The following SLC12A2 variants were observed in gnomAD, a reference collection of about 807,000 sequenced individuals.
SLC12A2 encodes the protein Na-K-2Cl cotransporter 1.
A neutral mutation model predicts 136.3 loss-of-function variants in SLC12A2; 67 were observed. The ratio of observed to expected loss-of-function variants is 0.49; its 90% CI spans 0.40 to 0.60. The LOEUF is 0.60. Among genes scored for constraint, SLC12A2 ranks in the 20% least tolerant of loss-of-function variants. The pLI, the probability that SLC12A2 is intolerant of heterozygous loss-of-function variation, is 0.00. For missense variants in SLC12A2, 1,322 were observed against 1,534.7 expected (o/e 0.86, Z 2.32); for synonymous variants, 619 against 562.9 (o/e 1.10, Z -1.41).
In SLC12A2 at chr5:128,179,948, C is replaced by CTTTT. The variant is rs70997365; in HGVS notation, c.3101-899_3101-896dup. 7.9e-5 allele frequency among the ~76,000 whole-genome samples: 4 copies of CTTTT among 50,480 alleles called. 1 individual carries two copies. The highest frequency in any genetic ancestry group is 8.0e-5 in the Non-Finnish European group (2 of 24,896). The allele number at this position is 50,480 out of a possible 152,430, so 33.1% of individuals were successfully genotyped here. ...TCCATTTATCATGTCCCAATCGTTC[C>CTTTT]TTTTTTTTTTTTTTTTTTTTTTTTT... On this transcript the variant is annotated intron_variant, in intron 22 of 26. Coordinates refer to ENST00000262461, the MANE Select transcript of SLC12A2 (RefSeq NM_001046.3).
chr5:128,134,389 G>A, intron 6 of SLC12A2, 114 bp downstream of exon 6: 1 of 620,836 alleles, frequency 1.6e-6, no homozygotes, highest in Non-Finnish European at 2.9e-6. Flanking sequence ...TACCTAAGTG[G>A]CCATTTTCAC....
intron 4 of SLC12A2, among the ~76,000 whole-genome samples, chr5:128,122,949 A>G (rs1761646867): frequency 6.6e-6 from 1 of 152,064 alleles, no homozygotes; most frequent in Non-Finnish European, 1.5e-5. Context: ...AGGTTTATTA[A>G]ATTTAACATA....
intron 4 of SLC12A2, among the ~76,000 whole-genome samples, chr5:128,120,138 G>A (rs1761500067): frequency 6.6e-6 from 1 of 152,076 alleles, no homozygotes; most frequent in African/African-American, 2.4e-5. Context: ...TCAGAGAAAC[G>A]CAAACCAAAA....
At chr5:128,090,586 C>T (rs149200721) in intron 1 of SLC12A2, among the ~76,000 whole-genome samples, 54 of 152,112 alleles carry the variant, frequency 3.6e-4, no homozygotes, top group East Asian at 1.7e-3. Flanking sequence ...TTCATTCTAG[C>T]GGTAGGAGAC....
intron 18 of SLC12A2, chr5:128,170,298 A>G (rs1358120371): frequency 3.3e-5 from 5 of 152,208 alleles, no homozygotes; most frequent in African/African-American, 7.2e-5. Context: ...AGTATTAATT[A>G]TATCTTTCAA....
chr5:128,131,188 C>T lies in SLC12A2; in HGVS notation c.1170C>T (p.Thr390=), dbSNP rs375928032. The T allele has an allele frequency of 2.2e-5, 36 of 1,613,970 alleles. No homozygotes were observed. Among genetic ancestry groups the T allele is most frequent in the South Asian group, 1.2e-4 (11 of 91,082 alleles). ...VAMYVVGFAE[T]VVELLKEHSI... ...TGTATGTGGTTGGATTTGCAGAAACCGTGGTGGAGTTGCTTAAGGTAATTC... is the reference window on the plus strand; with the variant it reads ...TGTATGTGGTTGGATTTGCAGAAACTGTGGTGGAGTTGCTTAAGGTAATTC... The change falls in exon 5 of 27, where the codon ACC becomes ACT. Residue 390 remains threonine, a synonymous_variant. Coordinates refer to ENST00000262461, the MANE Select transcript of SLC12A2 (RefSeq NM_001046.3).
At chr5:128,154,808 G>T (rs1762820754) in intron 15 of SLC12A2, among the ~76,000 whole-genome samples, 1 of 152,150 alleles carries the variant, frequency 6.6e-6, no homozygotes, top group Non-Finnish European at 1.5e-5. Flanking sequence ...AACTTTTACA[G>T]TTTGAAGTGC....
At position 128,084,406 on chromosome 5, in the gene SLC12A2, C is replaced by T. The variant is rs1432529319; in HGVS notation, c.452C>T (p.Ser151Leu). ...TTCGTGGACCCAGCTGCCTCCTCGT[C>T]GGCTGAAGACAGCCTGTCAGATGCT... is the stretch of plus-strand genomic sequence containing the variant. ...VNFVDPAASSSAEDSLSDAAG... is the reference protein window; with the variant it reads ...VNFVDPAASSLAEDSLSDAAG... The change falls in exon 1 of 27, where the codon TCG becomes TTG. Residue 151 changes from serine to leucine, a missense_variant. By Grantham distance (145) the Ser-to-Leu change is moderately radical (BLOSUM62 -2). Around this residue, in one of 8 missense-constraint regions of SLC12A2, gnomAD observed 358 missense variants for 299.7 expected, o/e 1.19. Coordinates refer to ENST00000262461, the MANE Select transcript of SLC12A2 (RefSeq NM_001046.3). The surrounding 1 kb of genome is among the most constrained non-coding windows in gnomAD (Gnocchi z 5.6). 1.2e-6 allele frequency: 2 copies of T among 1,611,106 alleles called. No homozygotes were observed. The highest frequency in any genetic ancestry group is 1.1e-5 in the South Asian group (1 of 90,954).
chr5:128,119,947 C>G (rs536428089), intron 4 of SLC12A2, among the ~76,000 whole-genome samples: 3 of 151,960 alleles, frequency 2.0e-5, no homozygotes, highest in African/African-American at 4.8e-5. Context: ...GAAAATTTTC[C>G]CAACCTACTC....
At chr5:128,142,078 A>G (rs1581105927) in intron 10 of SLC12A2, 97 bp downstream of exon 10, 2 of 996,236 alleles carry the variant, frequency 2.0e-6, no homozygotes, top group East Asian at 2.6e-5. Context: ...GTAACATAGA[A>G]GGGAGGACAG....
chr5:128,171,092 T>A, intron 18 of SLC12A2: 1 of 140,130 alleles, frequency 7.1e-6, no homozygotes. Flanking sequence ...CGAGACTCTG[T>A]CTCAAAAAAA....
At chr5:128,123,116 G>A (rs1293110456) in intron 4 of SLC12A2, among the ~76,000 whole-genome samples, 1 of 151,980 alleles carries the variant, frequency 6.6e-6, no homozygotes, top group Non-Finnish European at 1.5e-5. Context: ...TAATACTTCA[G>A]CTTGGTTCCA....
At position 128,084,066 on chromosome 5, in the gene SLC12A2, G is replaced by T; in HGVS notation, c.112G>T (p.Ala38Ser). The T allele has an allele frequency of 7.6e-7, 1 of 1,316,882 alleles. No homozygotes were observed. The allele number at this position is 1,316,882 out of a possible 1,614,324, so 81.6% of individuals were successfully genotyped here. The change falls in exon 1 of 27, where the codon GCT (alanine) becomes TCT (serine). Residue 38 changes from alanine (A) to serine (S), a missense_variant. By Grantham distance (99) the Ala-to-Ser change is moderately conservative. Transcript: ENST00000262461. This position sits in a 1 kb window ranked among gnomAD's most constrained non-coding sequence, Gnocchi z 5.6. ...AAARVELPGT[A>S]VPSVPEDAAP... ...AGCCAGGGTGGAACTGCCCGGCACG[G>T]CTGTGCCCTCGGTGCCGGAGGATGC...
intron 10 of SLC12A2, 24 bp downstream of exon 10, chr5:128,142,005 C>A: frequency 6.2e-7 from 1 of 1,603,804 alleles, no homozygotes; most frequent in Non-Finnish European, 8.5e-7. Flanking sequence ...TTGTAATATA[C>A]AGACATTCTG....
intron 7 of SLC12A2, among the ~76,000 whole-genome samples, chr5:128,136,725 C>G (rs766922643): frequency 6.6e-6 from 1 of 152,060 alleles, no homozygotes; most frequent in Non-Finnish European, 1.5e-5. Flanking sequence ...ACTCCTGTTA[C>G]CCCCTTTAAA....
rs10463502 is a variant in SLC12A2, at chr5:128,148,886, T to C, written c.2005+9T>C. ...TGGATTCATCTTAATTGGTTAGTTA[T>C]ATAAATGGTGTGTTATTGTAGATTT... is the stretch of plus-strand genomic sequence containing the variant. On this transcript the variant is annotated intron_variant, in intron 12 of 26. Coordinates refer to ENST00000262461, the MANE Select transcript of SLC12A2 (RefSeq NM_001046.3). 6.6e-4 allele frequency: 1,045 copies of C among 1,584,418 alleles called. 11 individuals carry two copies. The East Asian group carries it at 0.021, about 32-fold the overall frequency.
At chr5:128,132,732 A>AT in intron 5 of SLC12A2, among the ~76,000 whole-genome samples, 1 of 152,290 alleles carries the variant, frequency 6.6e-6, no homozygotes, top group African/African-American at 2.4e-5. Flanking sequence ...TGACCTTTAC[A>AT]TGTTTACACC....
chr5:128,132,432 G>T (rs1032835971), intron 5 of SLC12A2, among the ~76,000 whole-genome samples: 4 of 152,204 alleles, frequency 2.6e-5, no homozygotes, highest in African/African-American at 9.6e-5. Context: ...CTGACTTTTG[G>T]ATTTAGATGG....
At chr5:128,170,113 A>C (rs953957042) in intron 18 of SLC12A2, 2 of 152,168 alleles carry the variant, frequency 1.3e-5, no homozygotes, top group African/African-American at 4.8e-5. Context: ...GTTTTTATTA[A>C]TAGTATATAA....
Sources: allele counts gnomAD v4.1 joint callset (sites outside exome capture counted in the v4.1 genomes callset), GRCh38; gene constraint gnomAD v4.1.1; regional missense constraint gnomAD v4.1.1; non-coding constraint Gnocchi (gnomAD v3.1); transcripts MANE v1.5; gene names NCBI Gene and HGNC (gene_info 2026-07-23, HGNC 2026-07-21).